ATG4C: variants seen among roughly 807,000 people sequenced by gnomAD.
ATG4C encodes the protein cysteine protease ATG4C.
ATG4C carries 56 observed loss-of-function variants against 57.6 expected under a neutral mutation model. The ratio of observed to expected loss-of-function variants is 0.97; its 90% CI spans 0.78 to 1.21. The LOEUF is 1.21. ATG4C is among the 50% of genes most tolerant of loss of function. The probability of loss-of-function intolerance (pLI) is 0.00; values close to 1 mark genes in which losing one functional copy is unlikely to be tolerated. For synonymous variants in ATG4C, 157 were observed against 174.1 expected, an observed-to-expected ratio of 0.90 and a Z score of 0.78; for missense variants, 595 against 529.8, an observed-to-expected ratio of 1.12 and a Z score of -1.21.
chr1:62,855,289 C>G (rs1346062867), intron 10 of ATG4C, among the ~76,000 whole-genome samples: 3 of 152,078 alleles, frequency 2.0e-5, no homozygotes, highest in African/African-American at 7.2e-5. Context: ...TTGTATTTCC[C>G]CTGCTCTGCT....
At chr1:62,808,665 T>C (rs1243113664) in intron 3 of ATG4C, among the ~76,000 whole-genome samples, 1 of 152,166 alleles carries the variant, frequency 6.6e-6, no homozygotes, top group Non-Finnish European at 1.5e-5. Context: ...TTGTACAAAG[T>C]GTATAAATGC....
intron 1 of ATG4C, among the ~76,000 whole-genome samples, chr1:62,789,280 A>T (rs994695854): frequency 6.6e-6 from 1 of 152,190 alleles, no homozygotes; most frequent in South Asian, 2.1e-4. Flanking sequence ...GCAGTGCGTT[A>T]TAATTTGCTA....
chr1:62,829,123 C>G lies in ATG4C; in HGVS notation c.880C>G (p.Pro294Ala), dbSNP rs1572142397. 6.2e-7 allele frequency: 1 copy of G among 1,612,936 alleles called. No individual in the cohort carries two copies. Among genetic ancestry groups the G allele is most frequent in the East Asian group, 2.2e-5 (1 of 44,752 alleles). Residue 294 changes from proline (P) to alanine (A), a missense_variant, in exon 7 of 11, where the codon CCT becomes GCT. Transcript: ENST00000317868. Reference sequence around the variant, plus strand: ...TGACAAAGCTGTTATTATTCTAGTTCCTGTTAGACTTGGTGGAGAAAGAAC... The same window carrying G: ...TGACAAAGCTGTTATTATTCTAGTTGCTGTTAGACTTGGTGGAGAAAGAAC... ...ADDKAVIILV[P>A]VRLGGERTNT... is the part of the protein sequence containing the mutation.
At chr1:62,821,707 A>C (rs1357629350) in intron 6 of ATG4C, among the ~76,000 whole-genome samples, 4 of 151,984 alleles carry the variant, frequency 2.6e-5, no homozygotes, top group African/African-American at 9.7e-5. Flanking sequence ...TTTTTATCCA[A>C]AATGTTTGAG....
rs779188621 is a variant in ATG4C at position 62,805,214 on chromosome 1, C to T, written c.119C>T (p.Pro40Leu). Residue 40 changes from proline to leucine, a missense_variant, in exon 3 of 11, where the codon CCT (proline) becomes CTT (leucine). Transcript: ENST00000317868. ...AAGACGTATTTTAGTAGAAATTCTCCTGTATTATTGCTTGGAAAATGTTAC... is the reference window on the plus strand; with the variant it reads ...AAGACGTATTTTAGTAGAAATTCTCTTGTATTATTGCTTGGAAAATGTTAC... ...KTKTYFSRNSPVLLLGKCYHF... is the reference protein window; with the variant it reads ...KTKTYFSRNSLVLLLGKCYHF... 17 of 1,520,832 alleles carry T rather than the reference C, an allele frequency of 1.1e-5. No homozygotes were observed. Among genetic ancestry groups the T allele is most frequent in the Non-Finnish European group, 1.4e-5 (16 of 1,144,742 alleles). The allele number at this position is 1,520,832 out of a possible 1,614,324, so 94.2% of individuals were successfully genotyped here.
chr1:62,840,818 A>G lies in ATG4C; in HGVS notation c.1090-610A>G, dbSNP rs556042168. Reference sequence around the variant, plus strand: ...ACTGATGAGAAAGAGGGCAGGGACCATAATGGAATGGTTTCACCTGTTCCA... The same window carrying G: ...ACTGATGAGAAAGAGGGCAGGGACCGTAATGGAATGGTTTCACCTGTTCCA... On this transcript the variant is annotated intron_variant, in intron 9 of 10. Transcript: ENST00000317868. Among the ~76,000 whole-genome samples the G allele has an allele frequency of 3.3e-5, 5 of 152,332 alleles. No homozygotes were observed. In the South Asian group the frequency reaches 8.3e-4, roughly 25 times the overall value.
intron 3 of ATG4C, among the ~76,000 whole-genome samples, chr1:62,809,355 T>C (rs961020987): frequency 1.5e-4 from 22 of 149,112 alleles, no homozygotes; most frequent in Admixed American, 1.4e-4. Flanking sequence ...TAAATATACA[T>C]ATATAATAAA....
chr1:62,861,626 C>G (rs200156836), intron 10 of ATG4C, among the ~76,000 whole-genome samples: 804 of 29,354 alleles, frequency 0.027, 6 homozygotes, highest in Non-Finnish European at 0.037. Context: ...CACACACACA[C>G]AGAGAGACAC....
chr1:62,828,602 A>T (rs570194259), intron 6 of ATG4C, among the ~76,000 whole-genome samples: 83 of 152,060 alleles, frequency 5.5e-4, no homozygotes, highest in Non-Finnish European at 7.8e-4. Context: ...TCAATAGGTT[A>T]TCTGTTTACT....
intron 10 of ATG4C, among the ~76,000 whole-genome samples, chr1:62,857,450 C>T (rs1666720529): frequency 6.6e-6 from 1 of 152,138 alleles, no homozygotes; most frequent in African/African-American, 2.4e-5. Context: ...TCAGGGCTCC[C>T]ATTGATTCTA....
In ATG4C at chr1:62,819,239, C is replaced by G. The variant is rs1665400150; in HGVS notation, c.629C>G (p.Ala210Gly). 6.2e-7 allele frequency: 1 copy of G among 1,613,518 alleles called. No homozygotes were observed. The highest frequency in any genetic ancestry group is 1.7e-5 in the Admixed American group (1 of 59,936). ...TCTTGGTTTGGTGATTCCCCCTTGGCTCTTTTTGGCTTACATCAACTAATA... is the reference window on the plus strand; with the variant it reads ...TCTTGGTTTGGTGATTCCCCCTTGGGTCTTTTTGGCTTACATCAACTAATA... ...IISWFGDSPL[A>G]LFGLHQLIEY... The change falls in exon 5 of 11, where the codon GCT (alanine) becomes GGT (glycine). Residue 210 changes from alanine to glycine, a missense_variant. Ala to Gly is a moderately conservative substitution (Grantham distance 60). Coordinates refer to ENST00000317868, the MANE Select transcript of ATG4C (RefSeq NM_032852.4).
intron 1 of ATG4C, among the ~76,000 whole-genome samples, chr1:62,801,672 AAAG>A (rs1664667672): frequency 6.6e-6 from 1 of 151,682 alleles, no homozygotes; most frequent in Non-Finnish European, 1.5e-5. Context: ...AAAAAATAAA[AAAG>A]AAGGCCGGCG....
intron 3 of ATG4C, among the ~76,000 whole-genome samples, chr1:62,808,180 G>A (rs1241248196): frequency 6.6e-6 from 1 of 152,208 alleles, no homozygotes; most frequent in Admixed American, 6.5e-5. Flanking sequence ...CTTTGATACA[G>A]GGCAGTGCAT....
At chr1:62,827,084 C>T (rs926007450) in intron 6 of ATG4C, among the ~76,000 whole-genome samples, 2 of 152,170 alleles carry the variant, frequency 1.3e-5, no homozygotes. Flanking sequence ...AGGAAACAGG[C>T]TGTTAAACTG....
intron 6 of ATG4C, among the ~76,000 whole-genome samples, chr1:62,826,865 A>G (rs531384964): frequency 2.0e-5 from 3 of 151,714 alleles, no homozygotes; most frequent in East Asian, 3.9e-4. Flanking sequence ...TCCTTGCAAT[A>G]GTTTGCTCAT....
At chr1:62,818,621 T>C (rs1195023476) in intron 4 of ATG4C, among the ~76,000 whole-genome samples, 1 of 152,158 alleles carries the variant, frequency 6.6e-6, no homozygotes, top group African/African-American at 2.4e-5. Flanking sequence ...AGAAACATCA[T>C]TGATATTTGG....
intron 10 of ATG4C, among the ~76,000 whole-genome samples, chr1:62,857,378 G>T (rs1475726098): frequency 1.3e-5 from 2 of 152,164 alleles, no homozygotes; most frequent in Non-Finnish European, 2.9e-5. Flanking sequence ...TCTAAGGCTT[G>T]ATGATCTGTC....
chr1:62,831,806 G>A (rs992351230), intron 7 of ATG4C, among the ~76,000 whole-genome samples: 22 of 152,148 alleles, frequency 1.4e-4, no homozygotes, highest in Non-Finnish European at 7.3e-5. Flanking sequence ...GCTTCTAAGC[G>A]TTTATTACTA....
chr1:62,792,386 G>A (rs1035531212), intron 1 of ATG4C, among the ~76,000 whole-genome samples: 4 of 152,126 alleles, frequency 2.6e-5, no homozygotes, highest in Admixed American at 6.5e-5. Context: ...GAAGGAATTG[G>A]GACATTTAAT....
Sources: allele counts gnomAD v4.1 joint callset (sites outside exome capture counted in the v4.1 genomes callset), GRCh38; gene constraint gnomAD v4.1.1; transcripts MANE v1.5; gene names NCBI Gene and HGNC (gene_info 2026-07-23, HGNC 2026-07-21).